The following C16orf46 variants were observed in gnomAD, a reference collection of about 807,000 sequenced individuals.
The protein encoded by C16orf46 is chromosome 16 open reading frame 46, also known as uncharacterized protein C16orf46.
A neutral mutation model predicts 5.5 loss-of-function variants in C16orf46; 7 were observed. The observed-to-expected ratio is 1.28, with a 90% CI of 0.73 to 2.40. C16orf46 has a LOEUF of 2.40. C16orf46 is among the 30% of genes most tolerant of loss of function. The probability of loss-of-function intolerance (pLI) is 0.00; values close to 1 mark genes in which losing one functional copy is unlikely to be tolerated. For missense variants in C16orf46, 614 were observed against 476.0 expected (o/e 1.29, Z -2.70); for synonymous variants, 200 against 184.1 (o/e 1.09, Z -0.70).
rs758700250 is a variant in C16orf46 at position 81,061,908 on chromosome 16, A to G, written c.441T>C (p.Ile147=). 1.9e-6 allele frequency: 3 copies of G among 1,614,184 alleles called. No individual in the cohort carries two copies. Residue 147 remains isoleucine, a synonymous_variant, in exon 4 of 4, where the codon ATT becomes ATC. Coordinates refer to ENST00000299578, the MANE Select transcript of C16orf46 (RefSeq NM_152337.3). ...AGTAGGTGGGAAAGCAGATGTCGCT[A>G]ATTGCCCTGGAAGCAGTGCTGGGGC... ...PQGPSTASRA[I]SDICFPTYFR...
chr16:81,061,543 A>G lies in C16orf46; in HGVS notation c.806T>C (p.Leu269Pro), dbSNP rs1256270066. 3 of 1,614,086 alleles carry G rather than the reference A, an allele frequency of 1.9e-6. No homozygotes were observed. The highest frequency in any genetic ancestry group is 2.7e-5 in the African/African-American group (2 of 74,938). Reference sequence around the variant, plus strand: ...GTCGTTGACCATAGGGTGTTTGGCCAGCTCACTGGCTCTTTTTTCACCTTT... The same window carrying G: ...GTCGTTGACCATAGGGTGTTTGGCCGGCTCACTGGCTCTTTTTTCACCTTT... The part of the protein sequence containing the change: ...DGKGEKRASE[L>P]AKHPMVNDTP... Residue 269 changes from leucine to proline, a missense_variant, in exon 4 of 4, where the codon CTG becomes CCG. Transcript: ENST00000299578.
intron 1 of C16orf46, among the ~76,000 whole-genome samples, chr16:81,068,344 T>C (rs1333114421): frequency 1.3e-5 from 2 of 152,118 alleles, no homozygotes; most frequent in East Asian, 1.9e-4. Context: ...AAAGTTAAAA[T>C]TGGGAAAGCG....
rs1567575160 is a variant in C16orf46, at chr16:81,063,739, TACTC to T, written c.210+3_210+6del. 1.2e-6 allele frequency: 2 copies of T among 1,605,980 alleles called. No individual in the cohort carries two copies. Among genetic ancestry groups the T allele is most frequent in the Non-Finnish European group, 1.7e-6 (2 of 1,173,452 alleles). ...ACAGAAAAGCTGTGACTCAGAAAGA[TACTC>T]ACTGCCTCTTCCCATCCAGTTCCAA... On this transcript the variant is annotated splice_donor_5th_base_variant and intron_variant, in intron 3 of 3. Coordinates refer to ENST00000299578, the MANE Select transcript of C16orf46 (RefSeq NM_152337.3).
chr16:81,073,471 C>A (rs1177186911), intron 1 of C16orf46, among the ~76,000 whole-genome samples: 1 of 152,148 alleles, frequency 6.6e-6, no homozygotes, highest in Non-Finnish European at 1.5e-5. Flanking sequence ...TCTACAAATT[C>A]TCTCCCCTCA....
intron 1 of C16orf46, among the ~76,000 whole-genome samples, chr16:81,067,495 G>A (rs909676663): frequency 6.6e-6 from 1 of 152,102 alleles, no homozygotes; most frequent in African/African-American, 2.4e-5. Context: ...TAGAAGCCAG[G>A]GTACAATGAA....
chr16:81,061,598 A>G lies in C16orf46; in HGVS notation c.751T>C (p.Tyr251His), dbSNP rs1971477993. 1.2e-6 allele frequency: 2 copies of G among 1,614,188 alleles called. No individual in the cohort carries two copies. The highest frequency in any genetic ancestry group is 1.7e-6 in the Non-Finnish European group (2 of 1,180,046). The change falls in exon 4 of 4, where the codon TAT becomes CAT. Residue 251 changes from tyrosine to histidine, a missense_variant. Physicochemically the swap from Tyr to His is moderately conservative, Grantham distance 83. Coordinates refer to ENST00000299578, the MANE Select transcript of C16orf46 (RefSeq NM_152337.3). ...TCTGCTGTTTTCAAGCCATATGCAT[A>G]AGCCACACACCCATCCTTTTCCACA... ...LDVEKDGCVA[Y>H]AYGLKTADGK...
chr16:81,056,815 T>A (rs974017812), downstream of C16orf46, among the ~76,000 whole-genome samples: 2 of 151,892 alleles, frequency 1.3e-5, no homozygotes, highest in African/African-American at 4.8e-5. Context: ...AGAGCACATA[T>A]GCCTTCTGGG....
downstream of C16orf46, among the ~76,000 whole-genome samples, chr16:81,059,518 A>G (rs1971400361): frequency 6.6e-6 from 1 of 152,222 alleles, no homozygotes; most frequent in Non-Finnish European, 1.5e-5. Context: ...GATTACTCAT[A>G]TCACAGAACG....
chr16:81,057,307 G>C (rs1057247285), downstream of C16orf46, among the ~76,000 whole-genome samples: 5 of 152,142 alleles, frequency 3.3e-5, no homozygotes, highest in African/African-American at 1.2e-4. Flanking sequence ...CCAGCACTTT[G>C]GGAGGCCAAG....
At chr16:81,057,602 A>T (rs1349125993), downstream of C16orf46, among the ~76,000 whole-genome samples, 2 of 152,046 alleles carry the variant, frequency 1.3e-5, no homozygotes, top group Non-Finnish European at 2.9e-5. Context: ...CTTAGGTTAA[A>T]AAAAAAAACT....
In C16orf46 at chr16:81,062,153, G is replaced by A; in HGVS notation, c.211-15C>T. 4 of 1,540,190 alleles carry A rather than the reference G, an allele frequency of 2.6e-6. No individual in the cohort carries two copies. Among genetic ancestry groups the A allele is most frequent in the Non-Finnish European group, 3.5e-6 (4 of 1,148,304 alleles). The stretch of plus-strand genomic sequence containing the variant: ...CACCCTTGGACCTGCAAATAAAGCG[G>A]CATGTTACTCCTCCAGCTGAGGGGC... On this transcript the variant is annotated splice_polypyrimidine_tract_variant and intron_variant, in intron 3 of 3. Transcript: ENST00000299578.
intron 3 of C16orf46, chr16:81,055,447 AC>A (rs1204302262): frequency 6.6e-6 from 1 of 152,096 alleles, no homozygotes; most frequent in Non-Finnish European, 1.5e-5. Flanking sequence ...TCATCCCAGC[AC>A]TTTGGGAGGC....
Position 81,061,047 on chromosome 16 carries a change from G to C in C16orf46, c.*114C>G. On this transcript the variant is annotated 3_prime_UTR_variant, in exon 4 of 4. Coordinates refer to ENST00000299578, the MANE Select transcript of C16orf46 (RefSeq NM_152337.3). ...AGGAAAAGAAGAGTAAAGACAGACT[G>C]ACGGGGAGGAGAGAAAGAGAGAGTG... 7.1e-7 allele frequency: 1 copy of C among 1,405,720 alleles called. No homozygotes were observed. The highest frequency in any genetic ancestry group is 9.4e-7 in the Non-Finnish European group (1 of 1,063,444). 87.1% of individuals were successfully genotyped at this position (1,405,720 alleles called of 1,614,324 possible). A position where few individuals can be genotyped will look rare whatever the true frequency, so the allele number is the denominator to read the frequency against.
Position 81,061,968 on chromosome 16 carries a change from C to G in C16orf46, c.381G>C (p.Gln127His). 1.2e-6 allele frequency: 2 copies of G among 1,614,200 alleles called. No individual in the cohort carries two copies. Among genetic ancestry groups the G allele is most frequent in the South Asian group, 1.1e-5 (1 of 91,084 alleles). The change falls in exon 4 of 4, where the codon CAG (glutamine) becomes CAC (histidine). Residue 127 changes from glutamine to histidine, a missense_variant. Gln to His is a conservative substitution (Grantham distance 24). Transcript: ENST00000299578. ...CTGCCTGAGTCTGGGAGGGGCTGCT[C>G]TGATCCTTCTCTGGGCCCCCCTCAG... is the stretch of plus-strand genomic sequence containing the variant. ...PPTEGGPEKD[Q>H]SSPSQTQAAP...
chr16:81,061,499 G>A lies in C16orf46; in HGVS notation c.850C>T (p.Pro284Ser), dbSNP rs1378311053. ...MVNDTPSSPSPAAQISLLTDP... is the reference protein window; with the variant it reads ...MVNDTPSSPSSAAQISLLTDP... ...GTCAGCAGGGATATCTGGGCCGCTG[G>A]GGAAGGGGAGGATGGCGTGTCGTTG... is the stretch of plus-strand genomic sequence containing the variant. The change falls in exon 4 of 4, where the codon CCA (proline) becomes TCA (serine). Residue 284 changes from proline to serine, a missense_variant. Physicochemically the swap from Pro to Ser is moderately conservative, Grantham distance 74 (BLOSUM62 -1). Transcript: ENST00000299578. 6.2e-7 allele frequency: 1 copy of A among 1,613,982 alleles called. No homozygotes were observed.
chr16:81,055,643 G>A (rs1971273474), intron 3 of C16orf46, among the ~76,000 whole-genome samples: 1 of 152,190 alleles, frequency 6.6e-6, no homozygotes, highest in South Asian at 2.1e-4. Flanking sequence ...GCAGTGAGCT[G>A]TGATGGTACC....
At position 81,062,102 on chromosome 16, in the gene C16orf46, T is replaced by G. The variant is rs1327822220; in HGVS notation, c.247A>C (p.Ile83Leu). The change falls in exon 4 of 4, where the codon ATC becomes CTC. Residue 83 changes from isoleucine to leucine, a missense_variant. Physicochemically the swap from Ile to Leu is conservative, Grantham distance 5. Coordinates refer to ENST00000299578, the MANE Select transcript of C16orf46 (RefSeq NM_152337.3). The stretch of plus-strand genomic sequence containing the variant: ...TTTTTTGGTATCTTCCTCGGCCAGA[T>G]GCAGGCAGCTGGAGAAGTCCTTCCC... The part of the protein sequence containing the change: ...GWGRTSPAAC[I>L]WPRKIPKKAR... 2 of 1,602,760 alleles carry G rather than the reference T, an allele frequency of 1.2e-6. No homozygotes were observed.
downstream of C16orf46, among the ~76,000 whole-genome samples, chr16:81,057,647 T>C (rs1394208467): frequency 6.7e-6 from 1 of 148,642 alleles, no homozygotes; most frequent in Non-Finnish European, 1.5e-5. Flanking sequence ...TCATCATCTT[T>C]TGAAACGTAT....
At chr16:81,057,810 T>G (rs1051416638), downstream of C16orf46, 5 of 153,038 alleles carry the variant, frequency 3.3e-5, no homozygotes, top group African/African-American at 1.2e-4. Context: ...GGCGGGCGGA[T>G]CATGAGGTCA....
Sources: gnomAD v4.1 joint callset for allele counts (sites outside exome capture counted in the v4.1 genomes callset) on GRCh38, gnomAD v4.1.1 for gene constraint, MANE v1.5 for transcripts, NCBI Gene and HGNC (gene_info 2026-07-23, HGNC 2026-07-21) for gene names.